Variants in DDX50 observed in about 807,000 individuals in gnomAD.
The protein encoded by DDX50 is DExD-box helicase 50.
Under a neutral mutation model 94.8 loss-of-function variants are expected in DDX50, and 56 were observed. The observed-to-expected ratio is 0.59, with a 90% CI of 0.48 to 0.74. DDX50 has a LOEUF of 0.74. Ranked by LOEUF, DDX50 falls within the 30% of genes least tolerant of loss-of-function variation. The pLI is 0.00. For missense variants in DDX50, 713 were observed against 881.2 expected (o/e 0.81, Z 2.42); for synonymous variants, 264 against 295.4 (o/e 0.89, Z 1.09).
intron 14 of DDX50, among the ~76,000 whole-genome samples, chr10:68,945,587 A>G (rs1842653309): frequency 1.3e-5 from 2 of 152,122 alleles, no homozygotes; most frequent in Admixed American, 1.3e-4. Flanking sequence ...GATTACAGAC[A>G]TGAGCTACTG....
Position 68,914,198 on chromosome 10 carries a change from T to G in DDX50, c.1083T>G (p.Thr361=). The change falls in exon 7 of 15, where the codon ACT becomes ACG. Residue 361 remains threonine (T), a synonymous_variant. Transcript: ENST00000373585. ...AAATGACTCAAAAGGCTGCAACTAC[T>G]GTGGAAGTAAGTAGCTTTCTAGCAT... The part of the protein sequence containing the change: ...VGKMTQKAAT[T]VEHLAIQCHW... 6.2e-7 allele frequency: 1 copy of G among 1,610,294 alleles called. No individual in the cohort carries two copies. The highest frequency in any genetic ancestry group is 8.5e-7 in the Non-Finnish European group (1 of 1,178,984).
At chr10:68,907,317 CTTTTTTT>C (rs59316500) in intron 2 of DDX50, among the ~76,000 whole-genome samples, 2 of 130,504 alleles carry the variant, frequency 1.5e-5, no homozygotes, top group Non-Finnish European at 3.2e-5. Context: ...TTTCTTTTTT[CTTTTTTT>C]TTTTTTTTTG....
At chr10:68,916,082 G>A (rs1201529948) in intron 7 of DDX50, among the ~76,000 whole-genome samples, 3 of 152,172 alleles carry the variant, frequency 2.0e-5, no homozygotes, top group African/African-American at 7.2e-5. Context: ...TGGGCCGGGC[G>A]TGGTAGCTCA....
chr10:68,937,424 G>A (rs889950979), intron 12 of DDX50, among the ~76,000 whole-genome samples: 3 of 151,616 alleles, frequency 2.0e-5, no homozygotes, highest in African/African-American at 7.3e-5. Flanking sequence ...TGTAATAATT[G>A]TACATATTTA....
At chr10:68,931,631 A>C (rs1842278149) in intron 8 of DDX50, among the ~76,000 whole-genome samples, 1 of 150,818 alleles carries the variant, frequency 6.6e-6, no homozygotes, top group African/African-American at 2.4e-5. Flanking sequence ...ACGGGGTCTC[A>C]CCATGTTGGT....
intron 1 of DDX50, 81 bp downstream of exon 1, chr10:68,901,552 C>A: frequency 1.4e-6 from 2 of 1,411,282 alleles, no homozygotes; most frequent in Non-Finnish European, 1.9e-6. Context: ...CTGATGATGG[C>A]CTGTCAGAAC....
chr10:68,933,739 A>G (rs1355932893), intron 8 of DDX50, among the ~76,000 whole-genome samples: 1 of 151,408 alleles, frequency 6.6e-6, no homozygotes, highest in East Asian at 1.9e-4. Flanking sequence ...GTTCAAGACC[A>G]GCCTGATCAA....
At chr10:68,919,585 A>T (rs1841890790) in intron 7 of DDX50, among the ~76,000 whole-genome samples, 1 of 152,110 alleles carries the variant, frequency 6.6e-6, no homozygotes, top group East Asian at 1.9e-4. Context: ...TGTTCCATGT[A>T]TATCAGTAGT....
intron 8 of DDX50, among the ~76,000 whole-genome samples, chr10:68,923,525 TA>T (rs1297718213): frequency 6.6e-6 from 1 of 151,524 alleles, no homozygotes; most frequent in Non-Finnish European, 1.5e-5. Flanking sequence ...TATATATGTA[TA>T]TTTTATTTTA....
chr10:68,944,050 T>C (rs987607857), intron 14 of DDX50, among the ~76,000 whole-genome samples: 1 of 152,224 alleles, frequency 6.6e-6, no homozygotes, highest in African/African-American at 2.4e-5. Context: ...AAATAAATTC[T>C]AGGTATTCTA....
In DDX50 at chr10:68,934,829, C is replaced by T. The variant is rs375122404; in HGVS notation, c.1432C>T (p.Arg478Cys). The T allele has an allele frequency of 1.9e-6, 3 of 1,612,196 alleles. No homozygotes were observed. The highest frequency in any genetic ancestry group is 2.5e-6 in the Non-Finnish European group (3 of 1,179,350). The change falls in exon 10 of 15, where the codon CGC (arginine) becomes TGC (cysteine). Residue 478 changes from arginine (R) to cysteine (C), a missense_variant. By Grantham distance (180) the Arg-to-Cys change is radical. Coordinates refer to ENST00000373585, the MANE Select transcript of DDX50 (RefSeq NM_024045.2). The surrounding 1 kb of genome is among the most constrained non-coding windows in gnomAD (Gnocchi z 4.0). Reference sequence around the variant, plus strand: ...TGAGTCCTATATCCATCGCTCTGGACGCACAGGTAGAGCTGGACGGACAGG... The same window carrying T: ...TGAGTCCTATATCCATCGCTCTGGATGCACAGGTAGAGCTGGACGGACAGG... ...DVESYIHRSG[R>C]TGRAGRTGIC...
intron 8 of DDX50, among the ~76,000 whole-genome samples, chr10:68,931,448 A>AT (rs1252675048): frequency 8.1e-4 from 27 of 33,258 alleles, no homozygotes; most frequent in East Asian, 1.7e-3. Flanking sequence ...CACACACACA[A>AT]TTTTTTTTTT....
intron 4 of DDX50, among the ~76,000 whole-genome samples, chr10:68,912,339 C>G (rs1047763817): frequency 9.2e-5 from 14 of 152,020 alleles, no homozygotes; most frequent in Admixed American, 2.6e-4. Flanking sequence ...CTCAGTCTCT[C>G]CAGTAGGTAG....
At chr10:68,917,116 TTTTATAATC>T (rs1231846935) in intron 7 of DDX50, among the ~76,000 whole-genome samples, 2 of 152,172 alleles carry the variant, frequency 1.3e-5, no homozygotes, top group African/African-American at 4.8e-5. Context: ...GTCTTAAACA[TTTTATAATC>T]TATAGTTCCT....
chr10:68,943,304 C>T, intron 14 of DDX50, 47 bp downstream of exon 14: 1 of 1,476,716 alleles, frequency 6.8e-7, no homozygotes, highest in Non-Finnish European at 9.3e-7. Context: ...CATTCTCTAA[C>T]ATTTAGATTG....
At chr10:68,929,525 A>T (rs1442412391) in intron 8 of DDX50, among the ~76,000 whole-genome samples, 1 of 151,510 alleles carries the variant, frequency 6.6e-6, no homozygotes, top group African/African-American at 2.4e-5. Flanking sequence ...TCCTGGGTTC[A>T]AGTGATTCTG....
chr10:68,905,543 A>T (rs1841421647), intron 1 of DDX50, among the ~76,000 whole-genome samples: 1 of 152,228 alleles, frequency 6.6e-6, no homozygotes, highest in Non-Finnish European at 1.5e-5. Flanking sequence ...TAGTACTTAT[A>T]GCTGCAGGAA....
chr10:68,914,380 TA>T (rs1423634534), intron 7 of DDX50, among the ~76,000 whole-genome samples, 176 bp downstream of exon 7: 2 of 151,796 alleles, frequency 1.3e-5, no homozygotes, highest in Non-Finnish European at 2.9e-5. Flanking sequence ...ATAGAATAAA[TA>T]GGGGGAAAAA....
chr10:68,910,388 C>T lies in DDX50; in HGVS notation c.460+6C>T. On this transcript the variant is annotated splice_donor_region_variant and intron_variant, in intron 3 of 14. Transcript: ENST00000373585. ...GACTATAAAGCTTCTGAAAGGTATG[C>T]AGTTTGGTTGTTGTTGTTATTGTTG... The T allele has an allele frequency of 6.3e-7, 1 of 1,592,172 alleles. No individual in the cohort carries two copies. The highest frequency in any genetic ancestry group is 8.5e-7 in the Non-Finnish European group (1 of 1,172,948).
Sources: allele counts gnomAD v4.1 joint callset (sites outside exome capture counted in the v4.1 genomes callset), GRCh38; gene constraint gnomAD v4.1.1; non-coding constraint Gnocchi (gnomAD v3.1); transcripts MANE v1.5; gene names NCBI Gene and HGNC (gene_info 2026-07-23, HGNC 2026-07-21).